Variants in BET1 observed in about 807,000 individuals in gnomAD.
BET1 encodes the protein BET1 homolog.
In BET1, 9 loss-of-function variants were observed where a neutral mutation model predicts 13.9. That is an observed-to-expected ratio of 0.65 (90% confidence interval 0.39 to 1.13). The LOEUF (loss-of-function observed/expected upper bound fraction) is 1.13, where lower values mean the gene tolerates loss of function less well. Ranked by LOEUF, BET1 falls within the 50% of genes most tolerant of loss-of-function variation. The pLI is 0.01. For synonymous variants in BET1, 39 were observed against 47.3 expected (o/e 0.82, Z 0.72); for missense variants, 127 against 133.6 (o/e 0.95, Z 0.24).
chr7:93,973,266 G>C (rs891894561), intron 5 of BET1, among the ~76,000 whole-genome samples: 4 of 151,914 alleles, frequency 2.6e-5, no homozygotes, highest in Non-Finnish European at 5.9e-5. Context: ...GGATTCTGCA[G>C]TCTTACTACT....
downstream of BET1, among the ~76,000 whole-genome samples, chr7:93,989,349 T>G (rs1795586828): frequency 1.3e-5 from 2 of 152,128 alleles, no homozygotes; most frequent in African/African-American, 4.8e-5. Context: ...TAAATTCAAA[T>G]ATTAGAATGC....
chr7:93,995,640 G>A (rs566604437), intron 3 of BET1, among the ~76,000 whole-genome samples: 28 of 152,236 alleles, frequency 1.8e-4, no homozygotes, highest in East Asian at 9.6e-4. Context: ...TTATTATAGC[G>A]CACAAGCTTA....
intron 4 of BET1, among the ~76,000 whole-genome samples, chr7:93,982,859 C>T (rs1448479002): frequency 6.6e-6 from 1 of 152,148 alleles, no homozygotes; most frequent in Admixed American, 6.5e-5. Flanking sequence ...ACTATCAACA[C>T]CTCTACATAT....
chr7:93,987,640 G>C (rs1166231352), intron 4 of BET1, among the ~76,000 whole-genome samples: 1 of 152,086 alleles, frequency 6.6e-6, no homozygotes, highest in African/African-American at 2.4e-5. Context: ...AAGTGTGCAT[G>C]GTGCTAGGGA....
At chr7:93,968,186 G>C (rs1179890007) in intron 6 of BET1, among the ~76,000 whole-genome samples, 1 of 151,746 alleles carries the variant, frequency 6.6e-6, no homozygotes, top group Non-Finnish European at 1.5e-5. Context: ...CAAATATAAT[G>C]TATTAATAAG....
In BET1 at chr7:94,004,248, C is replaced by T; in HGVS notation, c.-32G>A. ...AGAGGAGAGAGAGAAAAGGCGGGTG[C>T]GGGGCTTTGGGTGAGTAGGAAACAG... On this transcript the variant is annotated 5_prime_UTR_variant, in exon 1 of 4. Transcript: ENST00000222547. The T allele has an allele frequency of 6.2e-7, 1 of 1,614,006 alleles. No homozygotes were observed. Among genetic ancestry groups the T allele is most frequent in the Non-Finnish European group, 8.5e-7 (1 of 1,179,982 alleles).
At position 94,004,340 on chromosome 7, in the gene BET1, G is replaced by A. The variant is rs1795983707; in HGVS notation, c.-124C>T. ...CGAAACACCAACTTCTTCCCCTAAA[G>A]CGCCACGACATCAGTGGAGTCTAAA... On this transcript the variant is annotated 5_prime_UTR_variant, in exon 1 of 4. Coordinates refer to ENST00000222547, the MANE Select transcript of BET1 (RefSeq NM_005868.6). 1.5e-6 allele frequency: 2 copies of A among 1,337,962 alleles called. No homozygotes were observed. The highest frequency in any genetic ancestry group is 2.1e-6 in the Non-Finnish European group (2 of 936,028). 82.9% of individuals were successfully genotyped at this position (1,337,962 alleles called of 1,614,324 possible).
intron 6 of BET1, among the ~76,000 whole-genome samples, chr7:93,972,079 G>A (rs1002022343): frequency 1.3e-5 from 2 of 151,708 alleles, no homozygotes; most frequent in African/African-American, 2.4e-5. Flanking sequence ...AATAACATTC[G>A]ACATCAAATA....
chr7:93,998,948 G>C (rs1795832140), intron 2 of BET1, among the ~76,000 whole-genome samples: 1 of 152,010 alleles, frequency 6.6e-6, no homozygotes, highest in Admixed American at 6.6e-5. Context: ...AAAAGAGCTG[G>C]AGATTTTTCT....
intron 4 of BET1, among the ~76,000 whole-genome samples, chr7:93,987,990 C>A (rs1795558848): frequency 1.3e-5 from 2 of 152,156 alleles, no homozygotes; most frequent in African/African-American, 4.8e-5. Context: ...ACCTCTAATA[C>A]TTAAAGAAGC....
intron 2 of BET1, among the ~76,000 whole-genome samples, chr7:93,997,797 A>G (rs769754878): frequency 1.4e-4 from 22 of 152,222 alleles, no homozygotes; most frequent in Non-Finnish European, 3.1e-4. Flanking sequence ...TTGATAAGGA[A>G]TTATGCTAAG....
chr7:94,004,125 G>T (rs1584152507), intron 1 of BET1, 73 bp downstream of exon 1: 2 of 1,606,118 alleles, frequency 1.2e-6, no homozygotes, highest in Non-Finnish European at 8.5e-7. Flanking sequence ...CATAAGACAG[G>T]TTCGATTTCC....
chr7:93,978,078 T>C (rs962047289), intron 4 of BET1, among the ~76,000 whole-genome samples: 7 of 74,854 alleles, frequency 9.4e-5, no homozygotes, highest in Non-Finnish European at 1.9e-4. Context: ...CTTTGTTTCT[T>C]TTTTTTTTTT....
At chr7:93,987,201 C>G (rs1442453945) in intron 4 of BET1, 1 of 151,990 alleles carries the variant, frequency 6.6e-6, no homozygotes, top group Non-Finnish European at 1.5e-5. Flanking sequence ...ACTGATAAAC[C>G]TCTCATGCCT....
intron 2 of BET1, 123 bp from the exon 3 acceptor site, chr7:93,996,444 ACT>A (rs1288055765): frequency 4.7e-6 from 3 of 635,204 alleles, no homozygotes; most frequent in Non-Finnish European, 7.8e-6. Context: ...AGACACATAA[ACT>A]CTCTTTTTCT....
At chr7:93,984,628 C>T (rs548720584) in intron 4 of BET1, among the ~76,000 whole-genome samples, 2 of 152,162 alleles carry the variant, frequency 1.3e-5, no homozygotes, top group South Asian at 4.2e-4. Context: ...ATTAGCTTAT[C>T]ATTCTTTCCT....
At chr7:93,965,115 T>C (rs1429260301) in exon 7 of BET1, 1 of 152,098 alleles carries the variant, frequency 6.6e-6, no homozygotes, top group Non-Finnish European at 1.5e-5. Context: ...TGTTGGCTGG[T>C]TGACTGTGAA....
chr7:94,001,191 C>G (rs1226239651), intron 1 of BET1, among the ~76,000 whole-genome samples: 1 of 152,194 alleles, frequency 6.6e-6, no homozygotes, highest in Non-Finnish European at 1.5e-5. Context: ...CTGTACAGTA[C>G]TATAAGGGAA....
chr7:93,974,180 C>T (rs1340852861), intron 5 of BET1, among the ~76,000 whole-genome samples: 1 of 151,868 alleles, frequency 6.6e-6, no homozygotes, highest in Non-Finnish European at 1.5e-5. Flanking sequence ...TTGTAGATAT[C>T]AATATGAATT....
Sources: gnomAD v4.1 joint callset for allele counts (sites outside exome capture counted in the v4.1 genomes callset) on GRCh38, gnomAD v4.1.1 for gene constraint, MANE v1.5 for transcripts, NCBI Gene and HGNC (gene_info 2026-07-23, HGNC 2026-07-21) for gene names.